RASA1: variants seen among roughly 807,000 people sequenced by gnomAD.
The protein encoded by RASA1 is ras GTPase-activating protein 1.
A neutral mutation model predicts 132.2 loss-of-function variants in RASA1; 25 were observed. The observed-to-expected ratio is 0.19, with a 90% CI of 0.14 to 0.26. The LOEUF (loss-of-function observed/expected upper bound fraction) is 0.26, where lower values mean the gene tolerates loss of function less well. Among genes scored for constraint, RASA1 ranks in the 10% least tolerant of loss-of-function variants. The pLI is 1.00. For missense variants in RASA1, 964 were observed against 1,299.2 expected, an observed-to-expected ratio of 0.74 and a Z score of 3.97; for synonymous variants, 477 against 449.9, an observed-to-expected ratio of 1.06 and a Z score of -0.76.
Position 87,378,012 on chromosome 5 carries a change from A to T in RASA1, c.2345-384A>T, listed in dbSNP as rs140298388. On this transcript the variant is annotated intron_variant, in intron 17 of 24. Coordinates refer to ENST00000274376, the MANE Select transcript of RASA1 (RefSeq NM_002890.3). ...TTAATCTATACTGGGATTTTGTGTT[A>T]TATCCTTAATTGTAAATAAACCCTA... is the stretch of plus-strand genomic sequence containing the variant. 9.2e-3 allele frequency among the ~76,000 whole-genome samples: 1,402 copies of T among 152,332 alleles called. 28 individuals are homozygous for T. Among genetic ancestry groups the T allele is most frequent in the African/African-American group, 0.031 (1,303 of 41,582 alleles).
chr5:87,289,509 T>C (rs1754821867), intron 1 of RASA1, among the ~76,000 whole-genome samples: 2 of 152,330 alleles, frequency 1.3e-5, no homozygotes, highest in South Asian at 4.1e-4. Flanking sequence ...TTGGCAATCT[T>C]CATTAGGGAA....
intron 1 of RASA1, among the ~76,000 whole-genome samples, chr5:87,285,808 G>A (rs1422287301): frequency 4.0e-5 from 6 of 151,096 alleles, no homozygotes; most frequent in Non-Finnish European, 7.4e-5. Context: ...TAATAGAGAT[G>A]GGATTTCGCC....
Position 87,268,556 on chromosome 5 carries a change from G to C in RASA1, c.105G>C (p.Arg35=). The C allele has an allele frequency of 6.2e-7, 1 of 1,604,784 alleles. No individual in the cohort carries two copies. Among genetic ancestry groups the C allele is most frequent in the Non-Finnish European group, 8.5e-7 (1 of 1,176,874 alleles). The part of the protein sequence containing the change: ...AGSSAYPAVC[R]VKIPAALPVA... ...CCAGTGCCTATCCCGCAGTGTGTCG[G>C]GTGAAGATACCCGCGGCCCTGCCTG... Residue 35 remains arginine (R), a synonymous_variant, in exon 1 of 25, where the codon CGG becomes CGC. Coordinates refer to ENST00000274376, the MANE Select transcript of RASA1 (RefSeq NM_002890.3).
chr5:87,383,605 T>G, intron 20 of RASA1, 108 bp from the exon 21 acceptor site: 1 of 792,660 alleles, frequency 1.3e-6, no homozygotes, highest in Non-Finnish European at 2.0e-6. Context: ...GAGTGAATTT[T>G]ATGGGTTCTA....
chr5:87,288,248 A>G (rs1273404755), intron 1 of RASA1, among the ~76,000 whole-genome samples: 1 of 151,242 alleles, frequency 6.6e-6, no homozygotes, highest in Non-Finnish European at 1.5e-5. Flanking sequence ...TTCTGTTGGG[A>G]CACGTTTCTC....
intron 1 of RASA1, among the ~76,000 whole-genome samples, chr5:87,308,101 T>C (rs1287769968): frequency 6.6e-6 from 1 of 152,176 alleles, no homozygotes; most frequent in East Asian, 1.9e-4. Flanking sequence ...TTCTTTTTTA[T>C]GACCAGAATC....
At chr5:87,355,070 G>A (rs186828446) in intron 9 of RASA1, among the ~76,000 whole-genome samples, 9 of 152,234 alleles carry the variant, frequency 5.9e-5, no homozygotes, top group Admixed American at 4.6e-4. Flanking sequence ...AAAAGTGTAC[G>A]GTGAAGCAAA....
At chr5:87,389,984 A>C (rs1328120753) in intron 24 of RASA1, among the ~76,000 whole-genome samples, 2 of 152,176 alleles carry the variant, frequency 1.3e-5, no homozygotes, top group Non-Finnish European at 2.9e-5. Flanking sequence ...TGGCCTTGAA[A>C]GCTGCACGTC....
At chr5:87,323,133 C>A (rs538894308) in intron 1 of RASA1, among the ~76,000 whole-genome samples, 2 of 152,154 alleles carry the variant, frequency 1.3e-5, no homozygotes, top group South Asian at 4.2e-4. Flanking sequence ...TGAATAAATA[C>A]AGAAATGGAA....
chr5:87,300,190 G>A (rs1173441833), intron 1 of RASA1, among the ~76,000 whole-genome samples: 4 of 152,014 alleles, frequency 2.6e-5, no homozygotes, highest in Non-Finnish European at 5.9e-5. Context: ...AGCAACATAG[G>A]GAGACCCTGT....
chr5:87,379,977 C>T (rs1195361363), intron 19 of RASA1, 127 bp downstream of exon 19: 4 of 985,112 alleles, frequency 4.1e-6, no homozygotes, highest in African/African-American at 3.3e-5. Context: ...CATGGTTAAT[C>T]TTTATGAGAT....
chr5:87,370,560 A>G (rs961566552), intron 12 of RASA1, among the ~76,000 whole-genome samples: 1 of 152,192 alleles, frequency 6.6e-6, no homozygotes, highest in Admixed American at 6.5e-5. Flanking sequence ...CACTGGGTAG[A>G]ATGAGGCAGG....
At chr5:87,387,438 T>C (rs1762140253) in intron 23 of RASA1, among the ~76,000 whole-genome samples, 1 of 152,186 alleles carries the variant, frequency 6.6e-6, no homozygotes, top group African/African-American at 2.4e-5. Context: ...TGAGGGTATT[T>C]TATAATTTCT....
At chr5:87,332,664 T>C (rs1580282882) in intron 3 of RASA1, 22 bp downstream of exon 3, 2 of 1,597,456 alleles carry the variant, frequency 1.3e-6, no homozygotes, top group Non-Finnish European at 1.7e-6. Flanking sequence ...GAATAAAATA[T>C]CTTTCAAAAC....
rs750492052 is a variant in RASA1, at chr5:87,268,762, G to C, written c.311G>C (p.Gly104Ala). 5 of 1,613,890 alleles carry C rather than the reference G, an allele frequency of 3.1e-6. No homozygotes were observed. The South Asian group carries it at 5.5e-5, about 18-fold the overall frequency. Residue 104 changes from glycine to alanine, a missense_variant, in exon 1 of 25, where the codon GGT (glycine) becomes GCT (alanine). Physicochemically the swap from Gly to Ala is moderately conservative, Grantham distance 60. Around this residue, in one of 6 missense-constraint regions of RASA1, gnomAD observed 326 missense variants for 275.8 expected, o/e 1.18. Transcript: ENST00000274376. ...GVAGAAAGVA[G>A]AAVAGPSGDM... Reference sequence around the variant, plus strand: ...GCTGGTGCTGCTGCTGGCGTGGCCGGTGCTGCTGTTGCTGGACCTAGTGGA... The same window carrying C: ...GCTGGTGCTGCTGCTGGCGTGGCCGCTGCTGCTGTTGCTGGACCTAGTGGA...
chr5:87,286,470 G>C (rs1580199559), intron 1 of RASA1, among the ~76,000 whole-genome samples: 1 of 151,316 alleles, frequency 6.6e-6, no homozygotes, highest in East Asian at 1.9e-4. Context: ...TTATGACACA[G>C]AGCTTATGTG....
At chr5:87,333,473 C>A in intron 4 of RASA1, 136 bp downstream of exon 4, 1 of 1,349,808 alleles carries the variant, frequency 7.4e-7, no homozygotes. Flanking sequence ...GATATTGGGT[C>A]TGTTGGTCCT....
Position 87,268,906 on chromosome 5 carries a change from C to T in RASA1, c.455C>T (p.Thr152Ile). 1.2e-6 allele frequency: 2 copies of T among 1,614,216 alleles called. No homozygotes were observed. The highest frequency in any genetic ancestry group is 1.7e-6 in the Non-Finnish European group (2 of 1,180,034). ...CCCCCTTTGGGGGCGGGCCTCGGGA[C>T]AGTGGACGAAGGTGACTCTCTGGAT... Reference protein sequence around the residue: ...YLPPLGAGLGTVDEGDSLDGP... With the variant: ...YLPPLGAGLGIVDEGDSLDGP... Residue 152 changes from threonine (T) to isoleucine (I), a missense_variant, in exon 1 of 25, where the codon ACA becomes ATA. Transcript: ENST00000274376.
In RASA1 at chr5:87,378,479, G is replaced by A; in HGVS notation, c.2428G>A (p.Val810Ile). 1 of 1,612,464 alleles carries A rather than the reference G, an allele frequency of 6.2e-7. No homozygotes were observed. Among genetic ancestry groups the A allele is most frequent in the Non-Finnish European group, 8.5e-7 (1 of 1,178,570 alleles). ...QYMKATATQF[V>I]HHALKDSILK... is the part of the protein sequence containing the mutation. ...TATGAAAGCCACTGCTACACAGTTT[G>A]TTCATCATGCTTTGAAAGACTCTAT... is the stretch of plus-strand genomic sequence containing the variant. The change falls in exon 18 of 25, where the codon GTT becomes ATT. Residue 810 changes from valine (V) to isoleucine (I), a missense_variant. By Grantham distance (29) the Val-to-Ile change is conservative. Transcript: ENST00000274376.
Sources: allele counts gnomAD v4.1 joint callset (sites outside exome capture counted in the v4.1 genomes callset), GRCh38; gene constraint gnomAD v4.1.1; regional missense constraint gnomAD v4.1.1; transcripts MANE v1.5; gene names NCBI Gene and HGNC (gene_info 2026-07-23, HGNC 2026-07-21).